The following FAF1 variants were observed in gnomAD, a reference collection of about 807,000 sequenced individuals.
FAF1 encodes FAS-associated factor 1.
A neutral mutation model predicts 92.5 loss-of-function variants in FAF1; 25 were observed. The observed-to-expected ratio is 0.27, with a 90% CI of 0.20 to 0.38. FAF1 has a LOEUF of 0.38. FAF1 is among the 10% of genes least tolerant of loss of function. FAF1 has a pLI of 1.00. For synonymous variants in FAF1, 234 were observed against 273.2 expected (o/e 0.86, Z 1.42); for missense variants, 636 against 793.3 (o/e 0.80, Z 2.38).
intron 3 of FAF1, among the ~76,000 whole-genome samples, chr1:50,795,202 T>C (rs776770669): frequency 1.8e-4 from 27 of 152,268 alleles, no homozygotes; most frequent in Admixed American, 3.9e-4. Flanking sequence ...CAGACTAATA[T>C]TGAGTCCCCA....
intron 1 of FAF1, among the ~76,000 whole-genome samples, chr1:50,920,500 C>T (rs1644954447): frequency 6.6e-6 from 1 of 152,058 alleles, no homozygotes; most frequent in African/African-American, 2.4e-5. Flanking sequence ...GCCAATTTTC[C>T]TCATGAACAT....
At chr1:50,945,130 A>G (rs1645163813) in intron 1 of FAF1, among the ~76,000 whole-genome samples, 1 of 152,216 alleles carries the variant, frequency 6.6e-6, no homozygotes, top group African/African-American at 2.4e-5. Context: ...GGAAGCATCA[A>G]ATACCTTGAC....
chr1:50,461,121 T>C (rs1419374764), intron 18 of FAF1, among the ~76,000 whole-genome samples: 9 of 152,198 alleles, frequency 5.9e-5, no homozygotes, highest in African/African-American at 2.2e-4. Flanking sequence ...CATTATACAA[T>C]ATAACTACTG....
At chr1:50,593,603 C>T (rs1572856277) in intron 9 of FAF1, among the ~76,000 whole-genome samples, 2 of 151,802 alleles carry the variant, frequency 1.3e-5, no homozygotes, top group Non-Finnish European at 2.9e-5. Context: ...AGATAAAGTG[C>T]TTTAAAAAAA....
At position 50,441,114 on chromosome 1, in the gene FAF1, GAT is replaced by G; in HGVS notation, c.*324_*325del. ...ACTGTCCTAGACACTGTGGGGAAAA[GAT>G]GGGCACTGGAGAGGTAAAAATTCTA... On this transcript the variant is annotated 3_prime_UTR_variant, in exon 19 of 19. Coordinates refer to ENST00000396153, the MANE Select transcript of FAF1 (RefSeq NM_007051.3). The G allele has an allele frequency of 4.5e-6, 1 of 222,438 alleles. No homozygotes were observed. Among genetic ancestry groups the G allele is most frequent in the Non-Finnish European group, 8.8e-6 (1 of 113,960 alleles). 13.8% of individuals were successfully genotyped at this position (222,438 alleles called of 1,614,324 possible).
At chr1:50,874,758 CTTTTTTTTTTTTTTTTTTT>C (rs755424291) in intron 1 of FAF1, among the ~76,000 whole-genome samples, 2 of 67,226 alleles carry the variant, frequency 3.0e-5, no homozygotes, top group Non-Finnish European at 2.7e-5. Context: ...TCTTTTCTTT[CTTTTTTTTTTTTTTTTTTT>C]TTTTTTTTTG....
chr1:50,487,534 C>T (rs1646782373), intron 17 of FAF1, among the ~76,000 whole-genome samples: 1 of 152,090 alleles, frequency 6.6e-6, no homozygotes, highest in Non-Finnish European at 1.5e-5. Flanking sequence ...ATTAATAAAA[C>T]AGGAGATCTT....
At chr1:50,780,435 T>TG (rs1661130002) in intron 4 of FAF1, 1 of 159,870 alleles carries the variant, frequency 6.3e-6, no homozygotes, top group Non-Finnish European at 1.4e-5. Flanking sequence ...ATGTGGATGC[T>TG]GGGTACAGAG....
chr1:50,759,318 C>G (rs1660222439), intron 4 of FAF1, among the ~76,000 whole-genome samples: 1 of 124,554 alleles, frequency 8.0e-6, no homozygotes, highest in Non-Finnish European at 1.6e-5. Context: ...CACCCCACAA[C>G]AGTCCCCAGA....
chr1:50,699,837 TTA>T (rs1557482076), intron 7 of FAF1, among the ~76,000 whole-genome samples: 1 of 152,114 alleles, frequency 6.6e-6, no homozygotes, highest in Non-Finnish European at 1.5e-5. Context: ...AGTGATAACT[TTA>T]TGAAAGGAAA....
chr1:50,704,569 T>C (rs752953643), intron 7 of FAF1, among the ~76,000 whole-genome samples: 1 of 152,172 alleles, frequency 6.6e-6, no homozygotes, highest in Non-Finnish European at 1.5e-5. Flanking sequence ...ATTTCTACCA[T>C]AAAAACACAA....
At chr1:50,801,465 C>T (rs969068509) in intron 3 of FAF1, among the ~76,000 whole-genome samples, 166 bp downstream of exon 3, 1 of 152,168 alleles carries the variant, frequency 6.6e-6, no homozygotes, top group African/African-American at 2.4e-5. Flanking sequence ...AAGTTGGAGA[C>T]TTTGGGGAAT....
At chr1:50,838,501 TTG>T (rs1644230534) in intron 2 of FAF1, among the ~76,000 whole-genome samples, 1 of 148,372 alleles carries the variant, frequency 6.7e-6, no homozygotes, top group South Asian at 2.1e-4. Flanking sequence ...AAGCTATGTT[TTG>T]TTATATATAT....
intron 2 of FAF1, among the ~76,000 whole-genome samples, chr1:50,823,409 A>G (rs540741431): frequency 6.6e-6 from 1 of 152,326 alleles, no homozygotes; most frequent in South Asian, 2.1e-4. Context: ...AGAAGGAATA[A>G]CATAAGCACA....
intron 13 of FAF1, among the ~76,000 whole-genome samples, chr1:50,541,750 GGAAA>G (rs1189736551): frequency 6.6e-6 from 1 of 150,944 alleles, no homozygotes; most frequent in East Asian, 1.9e-4. Flanking sequence ...AAGAAATAAA[GGAAA>G]GAAAGAGAGA....
intron 12 of FAF1, among the ~76,000 whole-genome samples, chr1:50,576,337 C>T (rs1019089606): frequency 1.3e-5 from 2 of 152,122 alleles, no homozygotes; most frequent in African/African-American, 2.4e-5. Flanking sequence ...TACTGAGTCC[C>T]TTAATTTATG....
intron 13 of FAF1, among the ~76,000 whole-genome samples, chr1:50,558,928 A>G (rs1448114634): frequency 1.3e-5 from 2 of 152,208 alleles, no homozygotes; most frequent in African/African-American, 4.8e-5. Context: ...TGGTAATTTT[A>G]AATTATCTCA....
chr1:50,929,176 G>T (rs990841759), intron 1 of FAF1, among the ~76,000 whole-genome samples: 3 of 150,926 alleles, frequency 2.0e-5, no homozygotes, highest in African/African-American at 4.9e-5. Context: ...ATTAGGAAAT[G>T]ATGTGTTTAA....
chr1:50,470,884 G>C (rs1481570327), intron 18 of FAF1: 1 of 152,182 alleles, frequency 6.6e-6, no homozygotes. Flanking sequence ...TCTGAGCAAG[G>C]CTCAGGTAAA....
Sources: gnomAD v4.1 joint callset for allele counts (sites outside exome capture counted in the v4.1 genomes callset) on GRCh38, gnomAD v4.1.1 for gene constraint, MANE v1.5 for transcripts, NCBI Gene and HGNC (gene_info 2026-07-23, HGNC 2026-07-21) for gene names.